Variants in TNS3 observed in about 807,000 individuals in gnomAD.
TNS3 encodes tensin-3.
In TNS3, 45 loss-of-function variants were observed where a neutral mutation model predicts 140.9. The observed-to-expected ratio is 0.32, with a 90% CI of 0.25 to 0.41. The LOEUF (loss-of-function observed/expected upper bound fraction) is 0.41, where lower values mean the gene tolerates loss of function less well. TNS3 is among the 10% of genes least tolerant of loss of function. The probability of loss-of-function intolerance (pLI) is 1.00; values close to 1 mark genes in which losing one functional copy is unlikely to be tolerated. For synonymous variants in TNS3, 815 were observed against 788.4 expected, an observed-to-expected ratio of 1.03 and a Z score of -0.56; for missense variants, 1,716 against 1,906.7, an observed-to-expected ratio of 0.90 and a Z score of 1.86.
chr7:47,360,324 C>T (rs1790242704), intron 17 of TNS3, among the ~76,000 whole-genome samples: 1 of 152,146 alleles, frequency 6.6e-6, no homozygotes, highest in South Asian at 2.1e-4. Flanking sequence ...GGGCAGGAGT[C>T]TCTTTTCAGA....
At chr7:47,369,733 A>G in intron 16 of TNS3, 112 bp from the exon 17 acceptor site, 1 of 1,217,702 alleles carries the variant, frequency 8.2e-7, no homozygotes, top group Non-Finnish European at 1.1e-6. Flanking sequence ...TCAAAATATG[A>G]CTTACAATAA....
chr7:47,539,310 A>T, intron 1 of TNS3: 1 of 349,006 alleles, frequency 2.9e-6, no homozygotes, highest in Non-Finnish European at 5.7e-6. Flanking sequence ...TTACTTATTT[A>T]AAAGAGTAGC....
chr7:47,327,147 C>A (rs1362409949), intron 20 of TNS3, among the ~76,000 whole-genome samples: 1 of 152,232 alleles, frequency 6.6e-6, no homozygotes, highest in Non-Finnish European at 1.5e-5. Context: ...CAGGGTCCCA[C>A]AGAGCCCCAG....
chr7:47,433,209 G>A (rs994293955), intron 8 of TNS3, among the ~76,000 whole-genome samples: 1 of 152,218 alleles, frequency 6.6e-6, no homozygotes, highest in Non-Finnish European at 1.5e-5. Flanking sequence ...AAGGAAACGC[G>A]CATTCTGCAA....
intron 16 of TNS3, among the ~76,000 whole-genome samples, chr7:47,382,470 TGTTA>T (rs1791828156): frequency 6.6e-6 from 1 of 152,250 alleles, no homozygotes; most frequent in African/African-American, 2.4e-5. Context: ...CTGTGCAGGC[TGTTA>T]GTATTAACCT....
At chr7:47,405,225 T>C (rs1584582327) in intron 13 of TNS3, among the ~76,000 whole-genome samples, 2 of 152,108 alleles carry the variant, frequency 1.3e-5, no homozygotes, top group African/African-American at 4.8e-5. Flanking sequence ...GTTCCTATCA[T>C]CCCCCAATGC....
intron 27 of TNS3, among the ~76,000 whole-genome samples, chr7:47,287,105 TA>T (rs35058593): frequency 0.38 from 54,686 of 145,574 alleles, 10,237 homozygotes; most frequent in Middle Eastern, 0.43. Flanking sequence ...TAAGACTCTA[TA>T]AAAAAAAAAA....
At chr7:47,364,723 T>C (rs967010361) in intron 17 of TNS3, among the ~76,000 whole-genome samples, 1 of 152,188 alleles carries the variant, frequency 6.6e-6, no homozygotes, top group Non-Finnish European at 1.5e-5. Flanking sequence ...AAGAGGCACG[T>C]CCTGGAAGAG....
chr7:47,338,472 GTCC>G lies in TNS3; in HGVS notation c.2650+6280_2650+6282del, dbSNP rs376190247. ...TCACGTGCTCATAAGCCACCTCTAC[GTCC>G]TCTTCAGTGACATGTCTCTTTTTTT... On this transcript the variant is annotated intron_variant, in intron 20 of 30. Transcript: ENST00000311160. Among the ~76,000 whole-genome samples, 33 of 152,148 alleles carry G rather than the reference GTCC, an allele frequency of 2.2e-4. No homozygotes were observed. The South Asian group carries it at 6.6e-3, about 31-fold the overall frequency.
intron 1 of TNS3, among the ~76,000 whole-genome samples, chr7:47,574,471 G>A (rs932464332): frequency 2.0e-5 from 3 of 151,814 alleles, no homozygotes; most frequent in African/African-American, 7.3e-5. Context: ...TATATACTAA[G>A]GAGTTCCAAA....
At chr7:47,564,249 A>G (rs954461769) in intron 1 of TNS3, among the ~76,000 whole-genome samples, 1 of 151,048 alleles carries the variant, frequency 6.6e-6, no homozygotes, top group African/African-American at 2.4e-5. Flanking sequence ...AAAGCAAATG[A>G]CTCTCCATAA....
At chr7:47,326,263 G>A (rs1417440013) in intron 20 of TNS3, among the ~76,000 whole-genome samples, 19 of 152,140 alleles carry the variant, frequency 1.2e-4, no homozygotes. Flanking sequence ...ATTTCCACAT[G>A]CAAATCATCT....
intron 1 of TNS3, among the ~76,000 whole-genome samples, chr7:47,531,767 G>C (rs1799412347): frequency 1.3e-5 from 2 of 152,242 alleles, no homozygotes; most frequent in South Asian, 2.1e-4. Context: ...GCCGGTGGGA[G>C]CTCCACCCCT....
chr7:47,534,001 C>T (rs894869461), intron 1 of TNS3, among the ~76,000 whole-genome samples: 6 of 152,140 alleles, frequency 3.9e-5, no homozygotes, highest in Non-Finnish European at 8.8e-5. Flanking sequence ...TGGCCAAGCG[C>T]GGTGGCTCAT....
chr7:47,490,633 T>C (rs1157416209), intron 3 of TNS3, among the ~76,000 whole-genome samples: 1 of 152,108 alleles, frequency 6.6e-6, no homozygotes, highest in Non-Finnish European at 1.5e-5. Flanking sequence ...GCCCCCATAA[T>C]GAAGGGAAGC....
intron 1 of TNS3, among the ~76,000 whole-genome samples, chr7:47,542,992 T>C (rs756623303): frequency 6.6e-6 from 1 of 151,816 alleles, no homozygotes; most frequent in Non-Finnish European, 1.5e-5. Flanking sequence ...TTAAGGAATT[T>C]CTGACATCAG....
At chr7:47,375,962 T>C (rs577377539) in intron 16 of TNS3, among the ~76,000 whole-genome samples, 1 of 152,376 alleles carries the variant, frequency 6.6e-6, no homozygotes, top group East Asian at 1.9e-4. Context: ...AAGAATCTCA[T>C]GTTCTATTTT....
chr7:47,400,359 C>G, intron 15 of TNS3, 34 bp downstream of exon 15: 1 of 1,601,970 alleles, frequency 6.2e-7, no homozygotes. Flanking sequence ...CCAGTGTCAG[C>G]AAGGACCACC....
chr7:47,561,468 ACT>A (rs1207532106), intron 1 of TNS3, among the ~76,000 whole-genome samples: 2 of 151,530 alleles, frequency 1.3e-5, no homozygotes, highest in Non-Finnish European at 2.9e-5. Flanking sequence ...GTTTTTCTTA[ACT>A]CTTTTTTTTA....
Sources: gnomAD v4.1 joint callset for allele counts (sites outside exome capture counted in the v4.1 genomes callset) on GRCh38, gnomAD v4.1.1 for gene constraint, MANE v1.5 for transcripts, NCBI Gene and HGNC (gene_info 2026-07-23, HGNC 2026-07-21) for gene names.